GSR: variants seen among roughly 807,000 people sequenced by gnomAD.
GSR encodes the protein glutathione-disulfide reductase.
GSR carries 48 observed loss-of-function variants against 56.5 expected under a neutral mutation model. The ratio of observed to expected loss-of-function variants is 0.85; its 90% confidence interval spans 0.67 to 1.08. The LOEUF (loss-of-function observed/expected upper bound fraction) is 1.08. GSR is among the 50% of genes least tolerant of loss of function. GSR has a pLI of 0.00. For synonymous variants in GSR, 264 were observed against 270.8 expected (o/e 0.97, Z 0.25); for missense variants, 694 against 703.3 (o/e 0.99, Z 0.15).
chr8:30,717,467 C>T (rs1017649570), intron 1 of GSR, among the ~76,000 whole-genome samples: 15 of 151,920 alleles, frequency 9.9e-5, no homozygotes, highest in African/African-American at 2.9e-4. Flanking sequence ...AGGTGAGTGG[C>T]GGGCAAGTGA....
intron 1 of GSR, among the ~76,000 whole-genome samples, chr8:30,725,968 G>GAAGACAGA (rs1398326042): frequency 6.6e-6 from 1 of 152,078 alleles, no homozygotes; most frequent in African/African-American, 2.4e-5. Context: ...AGAGAAAGAG[G>GAAGACAGA]AAGACAGAGA....
Position 30,689,015 on chromosome 8 carries a change from T to A in GSR, c.1041+146A>T, listed in dbSNP as rs1803265953. Reference sequence around the variant, plus strand: ...TTTTTAATTTCAAAGGAAGAAGCAATGAAATTTGATCACAAACTGAATACA... The same window carrying A: ...TTTTTAATTTCAAAGGAAGAAGCAAAGAAATTTGATCACAAACTGAATACA... On this transcript the variant is annotated intron_variant, in intron 9 of 12. Coordinates refer to ENST00000221130, the MANE Select transcript of GSR (RefSeq NM_000637.5). The A allele has an allele frequency of 1.0e-5, 7 of 693,446 alleles. No individual in the cohort carries two copies. In the South Asian group the frequency reaches 1.2e-4, roughly 12 times the overall value. 43.0% of individuals were successfully genotyped at this position (693,446 alleles called of 1,614,324 possible). A position where few individuals can be genotyped will look rare whatever the true frequency, so the allele number is the denominator to read the frequency against.
At chr8:30,709,536 C>A (rs763156081) in intron 3 of GSR, among the ~76,000 whole-genome samples, 4 of 151,996 alleles carry the variant, frequency 2.6e-5, no homozygotes, top group Non-Finnish European at 5.9e-5. Context: ...TTCCCAGGGG[C>A]CAGGGGGAGA....
At chr8:30,681,106 G>A (rs1211783416) in intron 11 of GSR, 69 bp from the exon 12 acceptor site, 4 of 1,302,346 alleles carry the variant, frequency 3.1e-6, no homozygotes, top group Non-Finnish European at 4.4e-6. Flanking sequence ...CAAAGAGGGA[G>A]ATGACCAGAA....
intron 12 of GSR, among the ~76,000 whole-genome samples, chr8:30,680,171 A>G (rs1034873936): frequency 1.3e-5 from 2 of 152,182 alleles, no homozygotes; most frequent in East Asian, 3.9e-4. Flanking sequence ...AGGAGCCTTC[A>G]TGATTCAATA....
rs375150673 is a variant in GSR at position 30,692,930 on chromosome 8, G to C, written c.882+39C>G. On this transcript the variant is annotated intron_variant, in intron 8 of 12. Coordinates refer to ENST00000221130, the MANE Select transcript of GSR (RefSeq NM_000637.5). The stretch of plus-strand genomic sequence containing the variant: ...GAAGCCACAAGCAGAAAGTGTGATT[G>C]ACTGGGGGCCGCGTGCATGCCTGGG... The C allele has an allele frequency of 2.4e-6, 3 of 1,260,250 alleles. No individual in the cohort carries two copies. The African/African-American group carries it at 4.4e-5, about 18-fold the overall frequency. The allele number at this position is 1,260,250 out of a possible 1,614,324, so 78.1% of individuals were successfully genotyped here.
intron 1 of GSR, among the ~76,000 whole-genome samples, chr8:30,726,088 T>C (rs1023813961): frequency 5.9e-5 from 9 of 152,170 alleles, no homozygotes; most frequent in African/African-American, 2.2e-4. Context: ...GACAGATTTC[T>C]AACCTTCTGT....
intron 1 of GSR, among the ~76,000 whole-genome samples, chr8:30,723,862 A>G (rs148418383): frequency 3.9e-5 from 6 of 152,108 alleles, no homozygotes; most frequent in Admixed American, 2.6e-4. Context: ...GTCCAAAACA[A>G]TGGCCTCCCA....
chr8:30,698,059 A>T (rs1196819151), intron 6 of GSR, among the ~76,000 whole-genome samples: 90 of 152,118 alleles, frequency 5.9e-4, no homozygotes, highest in Non-Finnish European at 1.0e-3. Flanking sequence ...CAGCCCCAGG[A>T]CTACTCATGC....
chr8:30,694,537 C>G lies in GSR; in HGVS notation c.796-1482G>C, dbSNP rs894949779. 2.0e-5 allele frequency among the ~76,000 whole-genome samples: 3 copies of G among 152,242 alleles called. No homozygotes were observed. In the South Asian group the frequency reaches 6.2e-4, roughly 32 times the overall value. The stretch of plus-strand genomic sequence containing the variant: ...CTATGTTGCCCAGGTTGGTCTTGAA[C>G]TCCACCTGCTACTTGGGAGGCTGAG... On this transcript the variant is annotated intron_variant, in intron 7 of 12. Transcript: ENST00000221130.
chr8:30,702,010 T>C (rs1231778753), intron 5 of GSR, among the ~76,000 whole-genome samples: 2 of 152,068 alleles, frequency 1.3e-5, no homozygotes, highest in East Asian at 3.9e-4. Flanking sequence ...CACTCCAGCC[T>C]GGACAACAGA....
intron 1 of GSR, among the ~76,000 whole-genome samples, chr8:30,720,699 G>C (rs1804505926): frequency 6.6e-6 from 1 of 150,706 alleles, no homozygotes; most frequent in Non-Finnish European, 1.5e-5. Flanking sequence ...GTGTAAAGCA[G>C]AATCTAAAGC....
chr8:30,688,578 C>CAA (rs57690198), intron 9 of GSR, among the ~76,000 whole-genome samples: 28,103 of 81,242 alleles, frequency 0.35, 4,773 homozygotes, highest in Non-Finnish European at 0.38. Flanking sequence ...GACCCTGTCT[C>CAA]AAAAAAAAAA....
intron 1 of GSR, 134 bp downstream of exon 1, chr8:30,727,396 G>A: frequency 1.2e-6 from 1 of 858,404 alleles, no homozygotes; most frequent in Admixed American, 2.4e-5. Context: ...GCTTCGGAAT[G>A]GGGAGTTGCG....
intron 10 of GSR, among the ~76,000 whole-genome samples, chr8:30,683,505 T>G (rs184822086): frequency 6.6e-6 from 1 of 152,034 alleles, no homozygotes; most frequent in Non-Finnish European, 1.5e-5. Flanking sequence ...CATACAAGAA[T>G]GACAATCTAG....
At chr8:30,693,165 T>G in intron 7 of GSR, 110 bp from the exon 8 acceptor site, 1 of 731,954 alleles carries the variant, frequency 1.4e-6, no homozygotes, top group Non-Finnish European at 2.5e-6. Context: ...AATTATTTCC[T>G]CCTTACTTAT....
intron 4 of GSR, 54 bp from the exon 5 acceptor site, chr8:30,703,294 T>G: frequency 6.9e-7 from 1 of 1,453,960 alleles, no homozygotes; most frequent in Non-Finnish European, 9.7e-7. Context: ...CAAAGACACC[T>G]ACTGCAACTT....
chr8:30,694,667 A>C (rs1803488893), intron 7 of GSR, among the ~76,000 whole-genome samples: 2 of 151,718 alleles, frequency 1.3e-5, no homozygotes, highest in Admixed American at 6.6e-5. Context: ...GCATGCCTGT[A>C]ATCCCAAGCA....
chr8:30,691,075 A>G (rs1803361505), intron 8 of GSR, among the ~76,000 whole-genome samples: 1 of 151,746 alleles, frequency 6.6e-6, no homozygotes, highest in South Asian at 2.1e-4. Context: ...TTAAAAATGA[A>G]AGATAGAGGC....
Sources: gnomAD v4.1 joint callset for allele counts (sites outside exome capture counted in the v4.1 genomes callset) on GRCh38, gnomAD v4.1.1 for gene constraint, MANE v1.5 for transcripts, NCBI Gene and HGNC (gene_info 2026-07-23, HGNC 2026-07-21) for gene names.